CNTROB: variants seen among roughly 807,000 people sequenced by gnomAD.
The protein encoded by CNTROB is centrobin.
A neutral mutation model predicts 115.7 loss-of-function variants in CNTROB; 82 were observed. The ratio of observed to expected loss-of-function variants is 0.71; its 90% CI spans 0.59 to 0.85. The LOEUF (loss-of-function observed/expected upper bound fraction) is 0.85. Ranked by LOEUF, CNTROB falls within the 40% of genes least tolerant of loss-of-function variation. The pLI, the probability that CNTROB is intolerant of heterozygous loss-of-function variation, is 0.00. For missense variants in CNTROB, 1,014 were observed against 1,144.4 expected, an observed-to-expected ratio of 0.89 and a Z score of 1.64; for synonymous variants, 439 against 456.4, an observed-to-expected ratio of 0.96 and a Z score of 0.49.
chr17:7,945,640 T>G, intron 12 of CNTROB, 88 bp from the exon 13 acceptor site: 1 of 1,405,648 alleles, frequency 7.1e-7, no homozygotes, highest in Non-Finnish European at 9.6e-7. Context: ...ATCCGGAAAT[T>G]TATAATCTTA....
At position 7,943,674 on chromosome 17, in the gene CNTROB, C is replaced by T. The variant is rs2151765813; in HGVS notation, c.1445+150C>T. On this transcript the variant is annotated intron_variant, in intron 10 of 18. Transcript: ENST00000563694. The surrounding 1 kb of genome is among the most constrained non-coding windows in gnomAD (Gnocchi z 4.7). ...CATCAGCTGGGACCTGAGTCTCTCT[C>T]GGGAGGGCTGCCTTCACGCGTTCAT... 2.4e-6 allele frequency: 2 copies of T among 820,196 alleles called. No homozygotes were observed. Among genetic ancestry groups the T allele is most frequent in the South Asian group, 2.0e-5 (1 of 48,878 alleles). 50.8% of individuals were successfully genotyped at this position (820,196 alleles called of 1,614,324 possible).
In CNTROB at chr17:7,944,598, A is replaced by G. The variant is rs1194565766; in HGVS notation, c.1694A>G (p.Asn565Ser). ...AMLQAHWDEA[N>S]QLLSTTLPPP... ...CTGCAGGCCCACTGGGATGAGGCCA[A>G]CCAGCTGCTCAGCACCACTCTCCCG... Residue 565 changes from asparagine to serine, a missense_variant, in exon 12 of 19, where the codon AAC becomes AGC. Coordinates refer to ENST00000563694, the MANE Select transcript of CNTROB (RefSeq NM_053051.5). This position sits in a 1 kb window ranked among gnomAD's most constrained non-coding sequence, Gnocchi z 4.0. 6.2e-7 allele frequency: 1 copy of G among 1,613,984 alleles called. No individual in the cohort carries two copies. Among genetic ancestry groups the G allele is most frequent in the Non-Finnish European group, 8.5e-7 (1 of 1,179,956 alleles).
At chr17:7,938,837 G>A (rs1041985341) in intron 7 of CNTROB, among the ~76,000 whole-genome samples, 4 of 152,214 alleles carry the variant, frequency 2.6e-5, no homozygotes, top group African/African-American at 9.7e-5. Context: ...AGGGTTCAGT[G>A]GCACAATCTT....
chr17:7,946,181 C>T (rs1421052916), intron 13 of CNTROB, among the ~76,000 whole-genome samples, 195 bp downstream of exon 13: 1 of 152,224 alleles, frequency 6.6e-6, no homozygotes, highest in African/African-American at 2.4e-5. Flanking sequence ...TATGACATCG[C>T]TGGACTTAAT....
At chr17:7,945,437 T>C (rs907914755) in intron 12 of CNTROB, 4 of 288,446 alleles carry the variant, frequency 1.4e-5, no homozygotes, top group African/African-American at 8.7e-5. Flanking sequence ...CTCACTCTGT[T>C]GCCCAGAGCG....
At position 7,940,192 on chromosome 17, in the gene CNTROB, A is replaced by G; in HGVS notation, c.1261A>G (p.Thr421Ala). Residue 421 changes from threonine to alanine, a missense_variant, in exon 9 of 19, where the codon ACA becomes GCA. By Grantham distance (58) the Thr-to-Ala change is moderately conservative (BLOSUM62 0). Transcript: ENST00000563694. ...EVRRLEGELD[T>A]ARRERDALQL... ...GCGGCGGCTGGAAGGAGAGCTGGATACAGCTCGGAGAGAGAGAGATGCCCT... is the reference window on the plus strand; with the variant it reads ...GCGGCGGCTGGAAGGAGAGCTGGATGCAGCTCGGAGAGAGAGAGATGCCCT... 1 of 1,611,880 alleles carries G rather than the reference A, an allele frequency of 6.2e-7. No homozygotes were observed.
rs779553767 is a variant in CNTROB, at chr17:7,943,477, T to C, written c.1398T>C (p.Ala466=). Residue 466 remains alanine, a synonymous_variant, in exon 10 of 19, where the codon GCT becomes GCC. Coordinates refer to ENST00000563694, the MANE Select transcript of CNTROB (RefSeq NM_053051.5). This position sits in a 1 kb window ranked among gnomAD's most constrained non-coding sequence, Gnocchi z 4.7. ...GGGTGACAGAGCGGCTGGCGCAGGCTCAGGAGAGCAGCCTACGGCAAGCAG... is the reference window on the plus strand; with the variant it reads ...GGGTGACAGAGCGGCTGGCGCAGGCCCAGGAGAGCAGCCTACGGCAAGCAG... The part of the protein sequence containing the change: ...EQRVTERLAQ[A]QESSLRQAAS... The C allele has an allele frequency of 1.2e-6, 2 of 1,613,702 alleles. No homozygotes were observed. Among genetic ancestry groups the C allele is most frequent in the Non-Finnish European group, 1.7e-6 (2 of 1,179,834 alleles).
At position 7,945,827 on chromosome 17, in the gene CNTROB, G is replaced by C; in HGVS notation, c.1834G>C (p.Val612Leu). The C allele has an allele frequency of 6.2e-7, 1 of 1,614,234 alleles. No homozygotes were observed. Among genetic ancestry groups the C allele is most frequent in the Non-Finnish European group, 8.5e-7 (1 of 1,180,034 alleles). The part of the protein sequence containing the change: ...MPPMAVALKP[V>L]LQQSREARDE... Reference sequence around the variant, plus strand: ...TCCCATGGCCGTGGCCCTGAAGCCTGTATTGCAGCAGAGCCGGGAAGCAAG... The same window carrying C: ...TCCCATGGCCGTGGCCCTGAAGCCTCTATTGCAGCAGAGCCGGGAAGCAAG... The change falls in exon 13 of 19, where the codon GTA (valine) becomes CTA (leucine). Residue 612 changes from valine to leucine, a missense_variant. Physicochemically the swap from Val to Leu is conservative, Grantham distance 32 (BLOSUM62 1). Transcript: ENST00000563694.
At chr17:7,945,012 G>A (rs1479754679) in intron 12 of CNTROB, among the ~76,000 whole-genome samples, 1 of 152,158 alleles carries the variant, frequency 6.6e-6, no homozygotes, top group Non-Finnish European at 1.5e-5. Context: ...ACTCAGACTG[G>A]CCCCATTCCA....
intron 9 of CNTROB, among the ~76,000 whole-genome samples, chr17:7,941,158 G>C (rs1973810722): frequency 6.6e-6 from 1 of 151,542 alleles, no homozygotes; most frequent in Non-Finnish European, 1.5e-5. Context: ...CTTCTAGCTA[G>C]AATTTTGACC....
chr17:7,933,563 TGA>T (rs879682254), intron 1 of CNTROB, among the ~76,000 whole-genome samples: 5 of 152,208 alleles, frequency 3.3e-5, no homozygotes, highest in Non-Finnish European at 7.3e-5. Context: ...TGTTTTTTTG[TGA>T]GAGACATCTC....
In CNTROB at chr17:7,933,126, A is replaced by C. The variant is rs1436659876; in HGVS notation, c.47A>C (p.Asp16Ala). ...DSPSSPLGAEDLLSDSSEPPG... is the reference protein window; with the variant it reads ...DSPSSPLGAEALLSDSSEPPG... ...CCCAGTTCACCCCTCGGGGCGGAGG[A>C]TCTCCTGAGTGATTCATCAGAACCC... Residue 16 changes from aspartate to alanine, a missense_variant, in exon 1 of 19, where the codon GAT becomes GCT. Transcript: ENST00000563694. 2 of 1,613,860 alleles carry C rather than the reference A, an allele frequency of 1.2e-6. No individual in the cohort carries two copies. The highest frequency in any genetic ancestry group is 2.2e-5 in the South Asian group (2 of 91,082).
Position 7,936,731 on chromosome 17 carries a change from C to T in CNTROB, c.742C>T (p.Arg248Trp), listed in dbSNP as rs149757324. 1.5e-5 allele frequency: 23 copies of T among 1,539,032 alleles called. No individual in the cohort carries two copies. Among genetic ancestry groups the T allele is most frequent in the African/African-American group, 8.2e-5 (6 of 73,444 alleles). The change falls in exon 6 of 19, where the codon CGG becomes TGG. Residue 248 changes from arginine to tryptophan, a missense_variant. Arg to Trp is a moderately radical substitution (Grantham distance 101). Transcript: ENST00000563694. ...TLARVVEGWN[R>W]HEAERTEVLR... ...GGCCCGTGTGGTGGAGGGCTGGAAC[C>T]GGCATGAGGCTGAGCGGACAGAGGT...
At position 7,949,173 on chromosome 17, in the gene CNTROB, G is replaced by T; in HGVS notation, c.2586+16G>T. 1 of 1,612,848 alleles carries T rather than the reference G, an allele frequency of 6.2e-7. No homozygotes were observed. The highest frequency in any genetic ancestry group is 8.5e-7 in the Non-Finnish European group (1 of 1,178,860). On this transcript the variant is annotated intron_variant, in intron 18 of 18. Transcript: ENST00000563694. ...CCGGAAAGAGGTGAGGGAAAGTCAG[G>T]CAGGGACCAGGGGAGAAAAGGGCTC...
Position 7,949,433 on chromosome 17 carries a change from G to GA in CNTROB, c.2640dup (p.Pro881ThrfsTer14), listed in dbSNP as rs1369477829. On this transcript the variant is annotated frameshift_variant, in exon 19 of 19. Coordinates refer to ENST00000563694, the MANE Select transcript of CNTROB (RefSeq NM_053051.5). LOFTEE classifies it high-confidence loss of function. ...CCGCCTTGCTACAGCCCCCAAGACT[G>GA]AAAAACCTCCCGCACGGAAGAAAAG... 1.9e-6 allele frequency: 3 copies of GA among 1,614,058 alleles called. No homozygotes were observed. The highest frequency in any genetic ancestry group is 1.7e-6 in the Non-Finnish European group (2 of 1,180,000).
Position 7,937,145 on chromosome 17 carries a change from AT to A in CNTROB, c.829-17del. 1 of 1,613,964 alleles carries A rather than the reference AT, an allele frequency of 6.2e-7. No homozygotes were observed. Among genetic ancestry groups the A allele is most frequent in the South Asian group, 1.1e-5 (1 of 91,072 alleles). Reference sequence around the variant, plus strand: ...ATTTCCCACAGTTCCTCTGCCCTGTATTCCTCTCTTCCTGAAAGACAGTAAC... The same window carrying A: ...ATTTCCCACAGTTCCTCTGCCCTGTATCCTCTCTTCCTGAAAGACAGTAAC... On this transcript the variant is annotated intron_variant, in intron 6 of 18. Coordinates refer to ENST00000563694, the MANE Select transcript of CNTROB (RefSeq NM_053051.5).
At chr17:7,932,175 C>T (rs866030941), upstream of CNTROB, 43 of 309,034 alleles carry the variant, frequency 1.4e-4, no homozygotes, top group Middle Eastern at 1.9e-3. Context: ...GGGCGGGTGA[C>T]GTCATCGAGG....
intron 9 of CNTROB, among the ~76,000 whole-genome samples, chr17:7,941,120 G>A (rs1328623138): frequency 1.3e-5 from 2 of 152,178 alleles, no homozygotes; most frequent in Admixed American, 6.5e-5. Flanking sequence ...AAAGAGTATT[G>A]CATTAGGACT....
chr17:7,943,287 CAT>C lies in CNTROB; in HGVS notation c.1312-101_1312-100del. ...GAGGCAAAATTCTTGTTCTTCATCT[CAT>C]ATGAGGGGAAAGTTGGTACTGGATT... On this transcript the variant is annotated intron_variant, in intron 9 of 18. Transcript: ENST00000563694. This position sits in a 1 kb window ranked among gnomAD's most constrained non-coding sequence, Gnocchi z 4.7. 1.3e-6 allele frequency: 1 copy of C among 783,232 alleles called. No homozygotes were observed. The highest frequency in any genetic ancestry group is 2.2e-5 in the South Asian group (1 of 45,420). The allele number at this position is 783,232 out of a possible 1,614,324, so 48.5% of individuals were successfully genotyped here.
Sources: allele counts gnomAD v4.1 joint callset (sites outside exome capture counted in the v4.1 genomes callset), GRCh38; gene constraint gnomAD v4.1.1; non-coding constraint Gnocchi (gnomAD v3.1); transcripts MANE v1.5; gene names NCBI Gene and HGNC (gene_info 2026-07-23, HGNC 2026-07-21).